DCLK1: variants seen among roughly 807,000 people sequenced by gnomAD.
DCLK1 encodes doublecortin like kinase 1.
A neutral mutation model predicts 86.2 loss-of-function variants in DCLK1; 16 were observed. The ratio of observed to expected loss-of-function variants is 0.19; its 90% CI spans 0.13 to 0.28. The LOEUF (loss-of-function observed/expected upper bound fraction) is 0.28, where lower values mean the gene tolerates loss of function less well. Among genes scored for constraint, DCLK1 ranks in the 10% least tolerant of loss-of-function variants. The pLI, the probability that DCLK1 is intolerant of heterozygous loss-of-function variation, is 1.00. For synonymous variants in DCLK1, 369 were observed against 370.5 expected, an observed-to-expected ratio of 1.00 and a Z score of 0.05; for missense variants, 590 against 940.2, an observed-to-expected ratio of 0.63 and a Z score of 4.87.
chr13:35,883,739 C>T (rs568890691), intron 4 of DCLK1, among the ~76,000 whole-genome samples: 14 of 152,136 alleles, frequency 9.2e-5, no homozygotes, highest in South Asian at 4.2e-4. Context: ...GTGATAGAAA[C>T]GGATAGAAAA....
intron 2 of DCLK1, among the ~76,000 whole-genome samples, chr13:36,115,438 T>C (rs1159332754): frequency 6.6e-6 from 1 of 152,210 alleles, no homozygotes; most frequent in Non-Finnish European, 1.5e-5. Context: ...TGAACAAGGA[T>C]GGCATGATTG....
chr13:35,968,392 G>A (rs1206880733), intron 3 of DCLK1, among the ~76,000 whole-genome samples: 2 of 152,156 alleles, frequency 1.3e-5, no homozygotes, highest in African/African-American at 2.4e-5. Flanking sequence ...GACCAGTGAG[G>A]GTCACCTGTT....
intron 11 of DCLK1, among the ~76,000 whole-genome samples, chr13:35,813,380 T>C (rs940081247): frequency 6.6e-6 from 1 of 152,198 alleles, no homozygotes; most frequent in Non-Finnish European, 1.5e-5. Context: ...GTGGATTCAG[T>C]CATAAGTCCC....
At chr13:35,939,197 A>ATGG (rs2153131258) in intron 4 of DCLK1, among the ~76,000 whole-genome samples, 1 of 152,294 alleles carries the variant, frequency 6.6e-6, no homozygotes, top group East Asian at 1.9e-4. Flanking sequence ...ACGAGAGCAA[A>ATGG]GCACGTTAGC....
intron 4 of DCLK1, among the ~76,000 whole-genome samples, chr13:35,910,782 G>T (rs115910286): frequency 1.3e-5 from 2 of 152,174 alleles, no homozygotes; most frequent in African/African-American, 4.8e-5. Context: ...GGCAGGAAGC[G>T]GGGAATTTGA....
intron 4 of DCLK1, among the ~76,000 whole-genome samples, chr13:35,932,920 A>T (rs1876535841): frequency 6.6e-6 from 1 of 152,220 alleles, no homozygotes; most frequent in African/African-American, 2.4e-5. Flanking sequence ...AAAAGTCCAC[A>T]GTCCAAAGTC....
chr13:35,991,466 GC>G (rs563987752), intron 3 of DCLK1, among the ~76,000 whole-genome samples: 122 of 152,114 alleles, frequency 8.0e-4, no homozygotes, highest in African/African-American at 2.9e-3. Flanking sequence ...TTCGAGACCA[GC>G]CTGAGCAACA....
In DCLK1 at chr13:35,836,160, C is replaced by T; in HGVS notation, c.1121-19G>A. On this transcript the variant is annotated intron_variant, in intron 7 of 16. Coordinates refer to ENST00000360631, the MANE Select transcript of DCLK1 (RefSeq NM_001330071.2). ...GACACTTCTGAAAGAATCATTAATA[C>T]TTTTTTATTGGTTGAAAAGGGAACA... 2 of 1,586,742 alleles carry T rather than the reference C, an allele frequency of 1.3e-6. No homozygotes were observed. Among genetic ancestry groups the T allele is most frequent in the African/African-American group, 1.4e-5 (1 of 74,008 alleles).
intron 3 of DCLK1, among the ~76,000 whole-genome samples, chr13:36,031,150 A>G (rs1025621232): frequency 6.6e-6 from 1 of 152,158 alleles, no homozygotes; most frequent in Non-Finnish European, 1.5e-5. Flanking sequence ...AAAACCCGAA[A>G]TAGTGGTGAG....
intron 4 of DCLK1, among the ~76,000 whole-genome samples, chr13:35,909,853 C>CA (rs1874909806): frequency 6.6e-6 from 1 of 151,864 alleles, no homozygotes; most frequent in African/African-American, 2.4e-5. Context: ...TAAAAGAAAA[C>CA]AAAAATCTCC....
intron 6 of DCLK1, among the ~76,000 whole-genome samples, chr13:35,845,667 T>C (rs1214102018): frequency 6.6e-6 from 1 of 152,228 alleles, no homozygotes; most frequent in African/African-American, 2.4e-5. Flanking sequence ...CGCAACTACC[T>C]GAAACAGAAT....
At chr13:35,827,784 C>G (rs1313392217) in intron 9 of DCLK1, 30 bp from the exon 10 acceptor site, 1 of 1,611,288 alleles carries the variant, frequency 6.2e-7, no homozygotes, top group Admixed American at 1.7e-5. Context: ...TCTTCATCAG[C>G]TTCCATAAAA....
chr13:35,846,240 T>C (rs1870165146), intron 6 of DCLK1: 1 of 984,886 alleles, frequency 1.0e-6, no homozygotes, highest in Non-Finnish European at 1.2e-6. Flanking sequence ...AAAAACGTTA[T>C]CCAAATTTAC....
chr13:36,084,401 C>T lies in DCLK1; in HGVS notation c.723+27468G>A, dbSNP rs1223361828. ...GGCACACAAGGGTCAAACCTTGCAG[C>T]TATTTAAAAAACACTTATGTATAAT... On this transcript the variant is annotated intron_variant, in intron 3 of 16. Transcript: ENST00000360631. Among the ~76,000 whole-genome samples the T allele has an allele frequency of 3.3e-5, 5 of 152,190 alleles. No individual in the cohort carries two copies. In the East Asian group the frequency reaches 9.6e-4, roughly 29 times the overall value.
At chr13:36,128,899 T>G (rs1355575145) in intron 1 of DCLK1, among the ~76,000 whole-genome samples, 1 of 152,214 alleles carries the variant, frequency 6.6e-6, no homozygotes, top group Non-Finnish European at 1.5e-5. Flanking sequence ...CTCTTACTTT[T>G]TAATTTATAT....
intron 3 of DCLK1, among the ~76,000 whole-genome samples, chr13:36,014,175 C>T (rs367765451): frequency 1.5e-4 from 23 of 152,302 alleles, no homozygotes; most frequent in East Asian, 3.9e-4. Context: ...TCTTCTGCGT[C>T]GCTCACGCTG....
At chr13:36,042,240 A>G (rs182326112) in intron 3 of DCLK1, among the ~76,000 whole-genome samples, 5 of 152,320 alleles carry the variant, frequency 3.3e-5, no homozygotes, top group Non-Finnish European at 5.9e-5. Flanking sequence ...CATATCCTAA[A>G]TTTATTAAAC....
Position 35,769,588 on chromosome 13 carries a change from T to A in DCLK1, c.*4947A>T, listed in dbSNP as rs907709624. 2 of 152,188 alleles carry A rather than the reference T, an allele frequency of 1.3e-5. No individual in the cohort carries two copies. Among genetic ancestry groups the A allele is most frequent in the Non-Finnish European group, 2.9e-5 (2 of 68,032 alleles). The allele number at this position is 152,188 out of a possible 1,614,324, so 9.4% of individuals were successfully genotyped here. ...AAGTGAGAAATTGTCCCTAGAGAACTATTCAAGGACTTTTTCTTACTACAT... is the reference window on the plus strand; with the variant it reads ...AAGTGAGAAATTGTCCCTAGAGAACAATTCAAGGACTTTTTCTTACTACAT... On this transcript the variant is annotated 3_prime_UTR_variant, in exon 17 of 17. Coordinates refer to ENST00000360631, the MANE Select transcript of DCLK1 (RefSeq NM_001330071.2).
At chr13:35,984,238 C>T (rs1879795581) in intron 3 of DCLK1, among the ~76,000 whole-genome samples, 1 of 152,188 alleles carries the variant, frequency 6.6e-6, no homozygotes, top group African/African-American at 2.4e-5. Context: ...AGTCAATGTT[C>T]ACCAAGTCAT....
Sources: allele counts gnomAD v4.1 joint callset (sites outside exome capture counted in the v4.1 genomes callset), GRCh38; gene constraint gnomAD v4.1.1; transcripts MANE v1.5; gene names NCBI Gene and HGNC (gene_info 2026-07-23, HGNC 2026-07-21).